ANKFY1: variants seen among roughly 807,000 people sequenced by gnomAD.
ANKFY1 encodes ankyrin repeat and FYVE domain containing 1, also known as ankyrin repeat and FYVE domain-containing protein 1.
A neutral mutation model predicts 128.3 loss-of-function variants in ANKFY1; 47 were observed. That is an observed-to-expected ratio of 0.37 (90% CI 0.29 to 0.47). The LOEUF is 0.47. Among genes scored for constraint, ANKFY1 ranks in the 20% least tolerant of loss-of-function variants. ANKFY1 has a pLI of 1.00. For missense variants in ANKFY1, 1,222 were observed against 1,510.6 expected, an observed-to-expected ratio of 0.81 and a Z score of 3.17; for synonymous variants, 553 against 601.6, an observed-to-expected ratio of 0.92 and a Z score of 1.18.
chr17:4,258,816 G>A (rs1968260533), intron 1 of ANKFY1, among the ~76,000 whole-genome samples: 1 of 152,090 alleles, frequency 6.6e-6, no homozygotes, highest in Non-Finnish European at 1.5e-5. Context: ...TGAATACCCA[G>A]GACATGGAAT....
At chr17:4,190,396 G>A (rs1402567145) in intron 10 of ANKFY1, among the ~76,000 whole-genome samples, 2 of 151,880 alleles carry the variant, frequency 1.3e-5, no homozygotes, top group African/African-American at 2.4e-5. Context: ...AGCCAAGATC[G>A]TGCCACTGCA....
Position 4,173,343 on chromosome 17 carries a change from AAC to A in ANKFY1, c.3014+9_3014+10del. 2 of 1,613,602 alleles carry A rather than the reference AAC, an allele frequency of 1.2e-6. No homozygotes were observed. The highest frequency in any genetic ancestry group is 1.7e-6 in the Non-Finnish European group (2 of 1,179,692). ...GGCGCCGCGGGGCCTACTCGGGCCC[AAC>A]GCGCTCACCTGAGATTAAAGGCTTC... is the stretch of plus-strand genomic sequence containing the variant. On this transcript the variant is annotated intron_variant, in intron 21 of 24. Transcript: ENST00000341657.
At chr17:4,175,107 C>A (rs559279914) in intron 19 of ANKFY1, among the ~76,000 whole-genome samples, 2 of 150,704 alleles carry the variant, frequency 1.3e-5, no homozygotes, top group Non-Finnish European at 3.0e-5. Context: ...CTGAGGCGGG[C>A]GGATTGCTTC....
chr17:4,226,298 G>T (rs957090327), intron 3 of ANKFY1, among the ~76,000 whole-genome samples: 1 of 152,090 alleles, frequency 6.6e-6, no homozygotes, highest in African/African-American at 2.4e-5. Context: ...GAGGTGGGAA[G>T]ATAATTTGAG....
chr17:4,234,205 T>C (rs1305210915), intron 3 of ANKFY1, among the ~76,000 whole-genome samples: 1 of 151,630 alleles, frequency 6.6e-6, no homozygotes, highest in Non-Finnish European at 1.5e-5. Flanking sequence ...TGTGTAACTA[T>C]ACTCTATGAT....
chr17:4,216,868 G>T, intron 4 of ANKFY1, 115 bp downstream of exon 4: 1 of 1,446,978 alleles, frequency 6.9e-7, no homozygotes, highest in Non-Finnish European at 9.5e-7. Context: ...GCCTTTAAAG[G>T]AACACCTTGC....
intron 3 of ANKFY1, among the ~76,000 whole-genome samples, chr17:4,234,449 C>CA (rs1053019886): frequency 1.1e-4 from 17 of 151,352 alleles, no homozygotes; most frequent in African/African-American, 3.4e-4. Context: ...CAATCCTACA[C>CA]AAAAAAATGT....
intron 8 of ANKFY1, 70 bp downstream of exon 8, chr17:4,197,303 C>T: frequency 6.6e-7 from 1 of 1,517,698 alleles, no homozygotes; most frequent in Non-Finnish European, 9.1e-7. Flanking sequence ...CCCCGTATGC[C>T]AATTACATGC....
chr17:4,257,922 G>T (rs1181223342), intron 1 of ANKFY1, among the ~76,000 whole-genome samples: 1 of 152,228 alleles, frequency 6.6e-6, no homozygotes, highest in Non-Finnish European at 1.5e-5. Context: ...GTTCAGCAAG[G>T]CTGTAAATCA....
chr17:4,226,006 G>A (rs962922506), intron 3 of ANKFY1, among the ~76,000 whole-genome samples: 11 of 152,224 alleles, frequency 7.2e-5, no homozygotes, highest in South Asian at 2.1e-4. Flanking sequence ...CAAGGGATCC[G>A]CTTGCCTCAG....
intron 7 of ANKFY1, among the ~76,000 whole-genome samples, chr17:4,202,400 T>TA (rs534585731): frequency 0.019 from 1,391 of 74,424 alleles, 7 homozygotes; most frequent in Middle Eastern, 0.066. Flanking sequence ...GACTGTGTCT[T>TA]AAAAAAAAAA....
chr17:4,242,157 T>A lies in ANKFY1; in HGVS notation c.203+99A>T. 8.2e-6 allele frequency: 10 copies of A among 1,226,228 alleles called. 1 individual carries two copies. In the South Asian group the frequency reaches 1.6e-4, roughly 19 times the overall value. 76.0% of individuals were successfully genotyped at this position (1,226,228 alleles called of 1,614,324 possible). ...GGGAATCGATTTGCTAATATCCTCA[T>A]TAGAGATAAATAAATTTTGGAAGAA... On this transcript the variant is annotated intron_variant, in intron 2 of 24. Coordinates refer to ENST00000341657, the MANE Select transcript of ANKFY1 (RefSeq NM_001330063.2).
rs916773744 is a variant in ANKFY1, at chr17:4,173,116, G to A, written c.3014+238C>T. 2.6e-4 allele frequency among the ~76,000 whole-genome samples: 40 copies of A among 152,322 alleles called. No homozygotes were observed. In the East Asian group the frequency reaches 3.5e-3, roughly 13 times the overall value. On this transcript the variant is annotated intron_variant, in intron 21 of 24. Transcript: ENST00000341657. ...CGTGATCCGCCCGCCTCGGACTCCC[G>A]AAGTGCTGGGATTACAGGCGCGAGC...
rs759835825 is a variant in ANKFY1 at position 4,179,097 on chromosome 17, A to G, written c.2398-40T>C. On this transcript the variant is annotated intron_variant, in intron 17 of 24. Coordinates refer to ENST00000341657, the MANE Select transcript of ANKFY1 (RefSeq NM_001330063.2). ...ACAGAATTTAATGTTCAATTGCAAG[A>G]TAAAACTCAGGAAAAATATGAAAGG... 1.9e-6 allele frequency: 3 copies of G among 1,599,246 alleles called. No homozygotes were observed. In the East Asian group the frequency reaches 6.7e-5, roughly 36 times the overall value.
At position 4,170,807 on chromosome 17, in the gene ANKFY1, C is replaced by T. The variant is rs761217096; in HGVS notation, c.3194G>A (p.Arg1065Gln). The change falls in exon 23 of 25, where the codon CGG becomes CAG. Residue 1065 changes from arginine (R) to glutamine (Q), a missense_variant. Arg to Gln is a conservative substitution (Grantham distance 43). Coordinates refer to ENST00000341657, the MANE Select transcript of ANKFY1 (RefSeq NM_001330063.2). ...GNANLCRAIV[R>Q]SGARLGVNNN... ...ATTCACCCCGAGGCGAGCCCCCGAC[C>T]GGACGATGGCGCGGCACAAGTTGGC... is the stretch of plus-strand genomic sequence containing the variant. 9 of 1,614,216 alleles carry T rather than the reference C, an allele frequency of 5.6e-6. No homozygotes were observed. The highest frequency in any genetic ancestry group is 3.3e-4 in the Middle Eastern group (2 of 6,062).
chr17:4,242,325 C>T lies in ANKFY1; in HGVS notation c.134G>A (p.Ser45Asn). 6.2e-7 allele frequency: 1 copy of T among 1,600,406 alleles called. No homozygotes were observed. The highest frequency in any genetic ancestry group is 8.5e-7 in the Non-Finnish European group (1 of 1,175,202). Reference sequence around the variant, plus strand: ...ACGGCTGATGAAGGACTCGCTGCTGCTCTCCTTGTTTGCCTGCGCAGCCAA... The same window carrying T: ...ACGGCTGATGAAGGACTCGCTGCTGTTCTCCTTGTTTGCCTGCGCAGCCAA... ...ALLAAQANKE[S>N]SSESFISRLL... Residue 45 changes from serine (S) to asparagine (N), a missense_variant, in exon 2 of 25, where the codon AGC (serine) becomes AAC (asparagine). Physicochemically the swap from Ser to Asn is conservative, Grantham distance 46. Coordinates refer to ENST00000341657, the MANE Select transcript of ANKFY1 (RefSeq NM_001330063.2).
At chr17:4,183,297 C>A in intron 14 of ANKFY1, 101 bp downstream of exon 14, 1 of 1,418,308 alleles carries the variant, frequency 7.1e-7, no homozygotes, top group Non-Finnish European at 9.7e-7. Context: ...TTTCCTCTAA[C>A]TAATATGAAA....
chr17:4,224,365 G>A (rs1051401388), intron 3 of ANKFY1, among the ~76,000 whole-genome samples: 10 of 151,864 alleles, frequency 6.6e-5, no homozygotes, highest in African/African-American at 2.2e-4. Flanking sequence ...TGGGACTACA[G>A]GTGCGCACCA....
chr17:4,261,688 C>A (rs908178941), intron 1 of ANKFY1, among the ~76,000 whole-genome samples: 18 of 152,348 alleles, frequency 1.2e-4, no homozygotes, highest in South Asian at 2.1e-4. Context: ...GGCTGGAACC[C>A]GACTGCAAAG....
Sources: gnomAD v4.1 joint callset for allele counts (sites outside exome capture counted in the v4.1 genomes callset) on GRCh38, gnomAD v4.1.1 for gene constraint, MANE v1.5 for transcripts, NCBI Gene and HGNC (gene_info 2026-07-23, HGNC 2026-07-21) for gene names.